The following MACROD2 variants were observed in gnomAD, a reference collection of about 807,000 sequenced individuals.
MACROD2 encodes mono-ADP ribosylhydrolase 2.
Under a neutral mutation model 70.4 loss-of-function variants are expected in MACROD2, and 36 were observed. The ratio of observed to expected loss-of-function variants is 0.51; its 90% confidence interval spans 0.39 to 0.68. The LOEUF is 0.68. Among genes scored for constraint, MACROD2 ranks in the 30% least tolerant of loss-of-function variants. The pLI is 0.00. For synonymous variants in MACROD2, 172 were observed against 178.8 expected (o/e 0.96, Z 0.30); for missense variants, 496 against 538.4 (o/e 0.92, Z 0.78).
At chr20:15,920,342 A>G (rs2065384624) in intron 10 of MACROD2, among the ~76,000 whole-genome samples, 1 of 152,222 alleles carries the variant, frequency 6.6e-6, no homozygotes, top group Non-Finnish European at 1.5e-5. Context: ...GTCTCAGACC[A>G]TCAGTCAAAA....
chr20:15,158,923 C>G (rs1471104116), intron 5 of MACROD2, among the ~76,000 whole-genome samples: 1 of 152,046 alleles, frequency 6.6e-6, no homozygotes, highest in East Asian at 1.9e-4. Flanking sequence ...AGATGTTGAC[C>G]ATGGTTCTGT....
At chr20:14,879,165 C>A (rs2122458082) in intron 5 of MACROD2, among the ~76,000 whole-genome samples, 1 of 152,200 alleles carries the variant, frequency 6.6e-6, no homozygotes, top group South Asian at 2.1e-4. Context: ...ACAGGTTCAG[C>A]AAACACACAC....
At chr20:15,708,868 A>G (rs1286842647) in intron 8 of MACROD2, among the ~76,000 whole-genome samples, 1 of 151,972 alleles carries the variant, frequency 6.6e-6, no homozygotes, top group Non-Finnish European at 1.5e-5. Context: ...CTACAAATAA[A>G]TAAATAAATT....
chr20:15,468,649 T>C (rs969816534), intron 7 of MACROD2, among the ~76,000 whole-genome samples: 5 of 152,206 alleles, frequency 3.3e-5, no homozygotes, highest in African/African-American at 1.2e-4. Flanking sequence ...TTCCACACAC[T>C]TTGCCTTTTG....
chr20:14,844,124 T>C (rs1425608521), intron 5 of MACROD2, among the ~76,000 whole-genome samples: 1 of 152,090 alleles, frequency 6.6e-6, no homozygotes, highest in Non-Finnish European at 1.5e-5. Flanking sequence ...TTTCTTGTTC[T>C]AGGAGCTAAA....
chr20:14,175,159 T>A (rs1194165531), intron 3 of MACROD2, among the ~76,000 whole-genome samples: 1 of 152,228 alleles, frequency 6.6e-6, no homozygotes, highest in Non-Finnish European at 1.5e-5. Context: ...CTCCACATGC[T>A]GCTCTGTCCA....
intron 5 of MACROD2, among the ~76,000 whole-genome samples, chr20:14,928,411 G>T (rs1431368488): frequency 6.6e-6 from 1 of 152,128 alleles, no homozygotes; most frequent in East Asian, 1.9e-4. Context: ...TAAGGATTTA[G>T]AATTCACTAA....
intron 5 of MACROD2, among the ~76,000 whole-genome samples, chr20:14,756,508 A>G (rs2071942347): frequency 6.6e-6 from 1 of 152,070 alleles, no homozygotes; most frequent in Non-Finnish European, 1.5e-5. Flanking sequence ...TGGTACTAAT[A>G]GTTAGTTTGA....
chr20:14,324,940 A>T (rs1023274299), intron 3 of MACROD2: 1 of 152,596 alleles, frequency 6.6e-6, no homozygotes, highest in African/African-American at 2.4e-5. Flanking sequence ...TTTTTTAAGG[A>T]TAATTAATTT....
At chr20:15,997,034 G>T (rs2066641922) in intron 15 of MACROD2, among the ~76,000 whole-genome samples, 1 of 152,048 alleles carries the variant, frequency 6.6e-6, no homozygotes, top group South Asian at 2.1e-4. Context: ...TTATTTCCGG[G>T]ATTCTCAATT....
chr20:15,837,307 GA>G (rs1442607474), intron 8 of MACROD2, among the ~76,000 whole-genome samples: 1 of 152,182 alleles, frequency 6.6e-6, no homozygotes, highest in Admixed American at 6.5e-5. Context: ...TTTTAAAAGA[GA>G]GAGAAATTCT....
intron 3 of MACROD2, among the ~76,000 whole-genome samples, chr20:14,190,649 T>C (rs1286170011): frequency 7.4e-6 from 1 of 135,276 alleles, no homozygotes; most frequent in African/African-American, 2.8e-5. Flanking sequence ...ACCACTTTGC[T>C]GAGGAAAAGA....
chr20:14,335,878 A>G (rs555677335), intron 3 of MACROD2, among the ~76,000 whole-genome samples: 1 of 152,236 alleles, frequency 6.6e-6, no homozygotes, highest in South Asian at 2.1e-4. Flanking sequence ...GTGTGTATAT[A>G]TATGTGTCCA....
intron 3 of MACROD2, among the ~76,000 whole-genome samples, chr20:14,250,116 C>T (rs1173547459): frequency 6.6e-6 from 1 of 151,740 alleles, no homozygotes; most frequent in Non-Finnish European, 1.5e-5. Context: ...GGTGAAAGCG[C>T]TCACCTTTTT....
chr20:15,431,491 A>G, intron 7 of MACROD2, 56 bp downstream of exon 7: 1 of 1,511,926 alleles, frequency 6.6e-7, no homozygotes, highest in Non-Finnish European at 9.2e-7. Context: ...TGTTAAATGC[A>G]GAGATTCAGT....
intron 3 of MACROD2, among the ~76,000 whole-genome samples, chr20:14,260,581 G>A (rs989299389): frequency 1.3e-5 from 2 of 152,110 alleles, no homozygotes; most frequent in African/African-American, 4.8e-5. Context: ...GGGATTACAG[G>A]CATGAGCCAC....
intron 3 of MACROD2, among the ~76,000 whole-genome samples, chr20:14,455,590 A>G (rs1444857962): frequency 6.6e-6 from 1 of 151,916 alleles, no homozygotes; most frequent in African/African-American, 2.4e-5. Flanking sequence ...CAAAAGATGT[A>G]AACAGTAGTT....
chr20:15,350,523 G>A (rs1005242625), intron 6 of MACROD2, among the ~76,000 whole-genome samples: 3 of 152,088 alleles, frequency 2.0e-5, no homozygotes, highest in Non-Finnish European at 4.4e-5. Context: ...GCAAATTCGT[G>A]TTTACTCAGA....
chr20:15,521,788 C>T (rs2047656362), intron 8 of MACROD2, among the ~76,000 whole-genome samples: 1 of 152,148 alleles, frequency 6.6e-6, no homozygotes, highest in African/African-American at 2.4e-5. Flanking sequence ...TCAAAATAAA[C>T]AGCATTTTCA....
Sources: allele counts gnomAD v4.1 joint callset (sites outside exome capture counted in the v4.1 genomes callset), GRCh38; gene constraint gnomAD v4.1.1; transcripts MANE v1.5; gene names NCBI Gene and HGNC (gene_info 2026-07-23, HGNC 2026-07-21).